The following EBF1 variants were observed in gnomAD, a reference collection of about 807,000 sequenced individuals.
The protein encoded by EBF1 is transcription factor COE1.
A neutral mutation model predicts 68.4 loss-of-function variants in EBF1; 10 were observed. The observed-to-expected ratio is 0.15, with a 90% CI of 0.09 to 0.25. The LOEUF is 0.25. Among genes scored for constraint, EBF1 ranks in the 10% least tolerant of loss-of-function variants. EBF1 has a pLI of 1.00. For missense variants in EBF1, 509 were observed against 794.4 expected, an observed-to-expected ratio of 0.64 and a Z score of 4.32; for synonymous variants, 298 against 299.8, an observed-to-expected ratio of 0.99 and a Z score of 0.06.
intron 6 of EBF1, among the ~76,000 whole-genome samples, chr5:158,885,340 C>G (rs1799827134): frequency 1.3e-5 from 2 of 152,138 alleles, no homozygotes; most frequent in South Asian, 4.1e-4. Flanking sequence ...TCACAGTTGT[C>G]AGAGTGGAAA....
rs151060696 is a variant in EBF1, at chr5:158,698,641, C to CT, written c.*469dup. The CT allele has an allele frequency of 3.9e-4, 66 of 170,994 alleles. No individual in the cohort carries two copies. Among genetic ancestry groups the CT allele is most frequent in the Non-Finnish European group, 5.1e-4 (43 of 84,364 alleles). The allele number at this position is 170,994 out of a possible 1,614,324, so 10.6% of individuals were successfully genotyped here. ...GCATTCCTATTCTGTCCCATACAAGCTTTTTTTTTTTTCCTTTTTTTCTTT... is the reference window on the plus strand; with the variant it reads ...GCATTCCTATTCTGTCCCATACAAGCTTTTTTTTTTTTTCCTTTTTTTCTTT... On this transcript the variant is annotated 3_prime_UTR_variant, in exon 16 of 16. Transcript: ENST00000313708.
At chr5:158,847,949 G>A (rs1251218838) in intron 6 of EBF1, among the ~76,000 whole-genome samples, 3 of 152,076 alleles carry the variant, frequency 2.0e-5, no homozygotes, top group African/African-American at 7.2e-5. Context: ...ACAGGCAGGT[G>A]GCAACTTTGC....
intron 10 of EBF1, among the ~76,000 whole-genome samples, chr5:158,771,843 C>T (rs1423032698): frequency 6.6e-6 from 1 of 152,142 alleles, no homozygotes; most frequent in African/African-American, 2.4e-5. Flanking sequence ...ACTTGTCTCA[C>T]AGCTAGCGAG....
intron 6 of EBF1, among the ~76,000 whole-genome samples, chr5:159,012,882 A>T (rs1179305632): frequency 6.6e-6 from 1 of 152,208 alleles, no homozygotes; most frequent in Non-Finnish European, 1.5e-5. Context: ...TGGTGTCCTT[A>T]TAAGAGGAAG....
At chr5:159,004,142 T>C (rs187117825) in intron 6 of EBF1, among the ~76,000 whole-genome samples, 2 of 152,148 alleles carry the variant, frequency 1.3e-5, no homozygotes, top group East Asian at 3.9e-4. Context: ...CCAGGCATGG[T>C]GGCAGGTGCC....
chr5:159,031,217 G>T (rs1196269748), intron 6 of EBF1, among the ~76,000 whole-genome samples: 2 of 152,194 alleles, frequency 1.3e-5, no homozygotes, highest in Non-Finnish European at 2.9e-5. Flanking sequence ...CCAGGGACAG[G>T]CTGGGATGTG....
At chr5:158,855,789 C>T (rs549084579) in intron 6 of EBF1, among the ~76,000 whole-genome samples, 1 of 152,330 alleles carries the variant, frequency 6.6e-6, no homozygotes, top group African/African-American at 2.4e-5. Flanking sequence ...ACTTTCTCCC[C>T]AGCACCTCTG....
At chr5:158,906,458 A>G (rs1254325315) in intron 6 of EBF1, among the ~76,000 whole-genome samples, 1 of 152,208 alleles carries the variant, frequency 6.6e-6, no homozygotes, top group South Asian at 2.1e-4. Context: ...AACAACAAAA[A>G]GGTGCTGTCA....
chr5:159,043,611 G>C (rs1437082748), intron 6 of EBF1, among the ~76,000 whole-genome samples: 1 of 152,056 alleles, frequency 6.6e-6, no homozygotes, highest in Non-Finnish European at 1.5e-5. Context: ...CCACAATTTA[G>C]ATTCAAATTA....
chr5:158,958,028 G>C (rs1817482291), intron 6 of EBF1, among the ~76,000 whole-genome samples: 2 of 152,204 alleles, frequency 1.3e-5, no homozygotes, highest in South Asian at 4.2e-4. Flanking sequence ...TTCCAATCTT[G>C]CCTCTGTAAA....
intron 6 of EBF1, among the ~76,000 whole-genome samples, chr5:158,991,749 C>A (rs1352899892): frequency 1.3e-5 from 2 of 152,152 alleles, no homozygotes; most frequent in Non-Finnish European, 2.9e-5. Context: ...AGGAAATGCA[C>A]CCTTTTCAAC....
At chr5:158,716,230 T>TA (rs1275698597) in intron 11 of EBF1, among the ~76,000 whole-genome samples, 1 of 152,172 alleles carries the variant, frequency 6.6e-6, no homozygotes, top group African/African-American at 2.4e-5. Context: ...TCCTTGGTGA[T>TA]AGAGTTTTTC....
intron 6 of EBF1, among the ~76,000 whole-genome samples, chr5:158,907,928 C>T (rs141442751): frequency 6.6e-6 from 1 of 151,768 alleles, no homozygotes; most frequent in Non-Finnish European, 1.5e-5. Flanking sequence ...GTTAAGTAAT[C>T]GAGAAATTAG....
At chr5:158,792,037 T>C (rs370097374) in intron 9 of EBF1, among the ~76,000 whole-genome samples, 1 of 152,120 alleles carries the variant, frequency 6.6e-6, no homozygotes. Flanking sequence ...CCAAATCACA[T>C]GTTGGTAGAA....
chr5:158,962,492 C>G (rs577053298), intron 6 of EBF1, among the ~76,000 whole-genome samples: 1 of 152,280 alleles, frequency 6.6e-6, no homozygotes, highest in African/African-American at 2.4e-5. Context: ...TCTGCACACT[C>G]CCTAGGAAGA....
At chr5:158,840,219 T>G (rs927079691) in intron 6 of EBF1, 109 bp from the exon 7 acceptor site, 1 of 807,636 alleles carries the variant, frequency 1.2e-6, no homozygotes, top group African/African-American at 1.7e-5. Context: ...ACATGTTTTC[T>G]GAAATATTCA....
At chr5:158,796,551 A>G (rs898164034) in intron 8 of EBF1, 76 bp from the exon 9 acceptor site, 3 of 1,478,664 alleles carry the variant, frequency 2.0e-6, no homozygotes, top group Non-Finnish European at 2.7e-6. Flanking sequence ...ACTTGAGAAA[A>G]AGGAAAAAAA....
chr5:158,919,379 T>A (rs1411310442), intron 6 of EBF1, among the ~76,000 whole-genome samples: 1 of 152,018 alleles, frequency 6.6e-6, no homozygotes, highest in East Asian at 1.9e-4. Flanking sequence ...ATAACACCAA[T>A]CATATCTGAG....
intron 6 of EBF1, among the ~76,000 whole-genome samples, chr5:158,860,955 T>C (rs1794866063): frequency 6.6e-6 from 1 of 152,188 alleles, no homozygotes; most frequent in Admixed American, 6.5e-5. Flanking sequence ...GCTGGGTAGA[T>C]TAACCTCCAA....
Sources: allele counts gnomAD v4.1 joint callset (sites outside exome capture counted in the v4.1 genomes callset), GRCh38; gene constraint gnomAD v4.1.1; transcripts MANE v1.5; gene names NCBI Gene and HGNC (gene_info 2026-07-23, HGNC 2026-07-21).